The following KIAA0319 variants were observed in gnomAD, a reference collection of about 807,000 sequenced individuals.
The protein encoded by KIAA0319 is dyslexia-associated protein KIAA0319.
A neutral mutation model predicts 108.4 loss-of-function variants in KIAA0319; 83 were observed. The ratio of observed to expected loss-of-function variants is 0.77; its 90% CI spans 0.64 to 0.92. KIAA0319 has a LOEUF of 0.92. Among genes scored for constraint, KIAA0319 ranks in the 40% least tolerant of loss-of-function variants. The pLI is 0.00. For missense variants in KIAA0319, 1,195 were observed against 1,322.4 expected (o/e 0.90, Z 1.49); for synonymous variants, 484 against 510.4 (o/e 0.95, Z 0.70).
At chr6:24,579,437 T>G (rs1766080283) in intron 8 of KIAA0319, among the ~76,000 whole-genome samples, 1 of 130,856 alleles carries the variant, frequency 7.6e-6, no homozygotes, top group Admixed American at 7.6e-5. Context: ...ATATATCTTA[T>G]ATATCTCATA....
chr6:24,572,940 A>AC (rs1434446595), intron 10 of KIAA0319, among the ~76,000 whole-genome samples: 1 of 152,022 alleles, frequency 6.6e-6, no homozygotes, highest in Non-Finnish European at 1.5e-5. Flanking sequence ...ACATGGTGGA[A>AC]CCCCGTCTCT....
rs187212811 is a variant in KIAA0319, at chr6:24,547,138, C to T, written c.*27G>A. 2 of 1,611,834 alleles carry T rather than the reference C, an allele frequency of 1.2e-6. No individual in the cohort carries two copies. The highest frequency in any genetic ancestry group is 2.7e-5 in the African/African-American group (2 of 74,958). Reference sequence around the variant, plus strand: ...CTGACTGGTCTTGGATTCAAGGGGTCCTTCCACTTTACAATGAACTGCGCC... The same window carrying T: ...CTGACTGGTCTTGGATTCAAGGGGTTCTTCCACTTTACAATGAACTGCGCC... On this transcript the variant is annotated 3_prime_UTR_variant, in exon 21 of 21. Transcript: ENST00000378214.
At chr6:24,594,807 C>T (rs1188057714) in intron 3 of KIAA0319, among the ~76,000 whole-genome samples, 2 of 152,062 alleles carry the variant, frequency 1.3e-5, no homozygotes, top group African/African-American at 4.8e-5. Context: ...TCTTGAAGTA[C>T]TCCAAGCTTT....
chr6:24,598,253 GC>G, intron 2 of KIAA0319: 2 of 601,874 alleles, frequency 3.3e-6, no homozygotes. Context: ...AGCCTGCTGA[GC>G]CCCCTTAAGC....
At chr6:24,582,179 A>G in intron 6 of KIAA0319, 70 bp downstream of exon 6, 2 of 873,060 alleles carry the variant, frequency 2.3e-6, no homozygotes, top group Non-Finnish European at 3.9e-6. Context: ...TTCAGTAGCT[A>G]AGAAGGTATT....
intron 1 of KIAA0319, among the ~76,000 whole-genome samples, chr6:24,634,594 C>T (rs533107041): frequency 2.0e-5 from 3 of 152,212 alleles, no homozygotes; most frequent in South Asian, 2.1e-4. Flanking sequence ...ATTCTGACAC[C>T]GTGTTAGTCC....
intron 1 of KIAA0319, among the ~76,000 whole-genome samples, chr6:24,626,223 A>G (rs1392607010): frequency 1.3e-5 from 2 of 152,206 alleles, no homozygotes; most frequent in African/African-American, 4.8e-5. Flanking sequence ...TAAGCATCTG[A>G]GGATTTTTTA....
At chr6:24,622,319 T>TAAAAAAAAAAA (rs5874995) in intron 1 of KIAA0319, among the ~76,000 whole-genome samples, 1 of 114,608 alleles carries the variant, frequency 8.7e-6, no homozygotes, top group Non-Finnish European at 1.8e-5. Context: ...TTTGAGAAAT[T>TAAAAAAAAAAA]AAAAAAAAAA....
chr6:24,560,950 GA>G (rs1475508792), intron 16 of KIAA0319, among the ~76,000 whole-genome samples: 3 of 152,220 alleles, frequency 2.0e-5, no homozygotes, highest in Non-Finnish European at 4.4e-5. Flanking sequence ...GTTTCATCAT[GA>G]AAGGGTGTTG....
intron 1 of KIAA0319, among the ~76,000 whole-genome samples, chr6:24,630,365 C>T (rs900933864): frequency 1.3e-5 from 2 of 150,194 alleles, no homozygotes; most frequent in African/African-American, 4.9e-5. Flanking sequence ...AAAAATTAGC[C>T]AGGTATGGTG....
intron 1 of KIAA0319, among the ~76,000 whole-genome samples, chr6:24,639,013 C>T (rs925363843): frequency 5.9e-5 from 9 of 152,014 alleles, no homozygotes; most frequent in Admixed American, 3.9e-4. Flanking sequence ...TCACAATGTA[C>T]ACAAATATCA....
At position 24,544,125 on chromosome 6, in the gene KIAA0319, T is replaced by C. The variant is rs1018911167; in HGVS notation, c.*3040A>G. 2.0e-5 allele frequency: 3 copies of C among 152,268 alleles called. No homozygotes were observed. Among genetic ancestry groups the C allele is most frequent in the Non-Finnish European group, 2.9e-5 (2 of 68,048 alleles). The allele number at this position is 152,268 out of a possible 1,614,324, so 9.4% of individuals were successfully genotyped here. ...ATGTGGATATGTTCCAATAAAACTT[T>C]ATTTATGAACACAAATCTGAATGTC... On this transcript the variant is annotated 3_prime_UTR_variant, in exon 21 of 21. Transcript: ENST00000378214.
At chr6:24,566,873 C>A in intron 13 of KIAA0319, 125 bp from the exon 14 acceptor site, 1 of 854,898 alleles carries the variant, frequency 1.2e-6, no homozygotes, top group Non-Finnish European at 1.7e-6. Flanking sequence ...ATTAAAATAT[C>A]CAAAAAGGCA....
At chr6:24,638,371 T>A (rs1776474445) in intron 1 of KIAA0319, among the ~76,000 whole-genome samples, 2 of 152,052 alleles carry the variant, frequency 1.3e-5, no homozygotes, top group South Asian at 4.1e-4. Flanking sequence ...TTCAAGGAAA[T>A]AAAAAATTGG....
chr6:24,628,817 T>TGGAG (rs1213257349), intron 1 of KIAA0319, among the ~76,000 whole-genome samples: 1 of 152,144 alleles, frequency 6.6e-6, no homozygotes, highest in East Asian at 1.9e-4. Flanking sequence ...TATTGTCACA[T>TGGAG]GGAGCTCTCC....
Position 24,566,624 on chromosome 6 carries a change from G to A in KIAA0319, c.2265C>T (p.Ile755=), listed in dbSNP as rs1763932505. The change falls in exon 14 of 21, where the codon ATC becomes ATT. Residue 755 remains isoleucine, a synonymous_variant. Transcript: ENST00000378214. ...CAGCTGCTGGACTCTGGCCATCCCG[G>A]ATCCACAGATAGGACACAATTCTTT... ...DDQRIVSYLW[I]RDGQSPAAGD... The A allele has an allele frequency of 6.2e-7, 1 of 1,612,048 alleles. No homozygotes were observed. Among genetic ancestry groups the A allele is most frequent in the East Asian group, 2.2e-5 (1 of 44,794 alleles).
Position 24,599,920 on chromosome 6 carries a change from C to T in KIAA0319, c.55+1129G>A, listed in dbSNP as rs1770356485. On this transcript the variant is annotated intron_variant, in intron 2 of 20. Coordinates refer to ENST00000378214, the MANE Select transcript of KIAA0319 (RefSeq NM_014809.4). This position sits in a 1 kb window ranked among gnomAD's most constrained non-coding sequence, Gnocchi z 4.1. ...GGCTCAGCGCTCGCCCTCAGCCGAC[C>T]CGCGGGAGAGTTCACTGCCTGGGGT... is the stretch of plus-strand genomic sequence containing the variant. The T allele has an allele frequency of 7.5e-6, 2 of 267,204 alleles. No individual in the cohort carries two copies. Among genetic ancestry groups the T allele is most frequent in the Non-Finnish European group, 1.4e-5 (2 of 138,854 alleles). 16.6% of individuals were successfully genotyped at this position (267,204 alleles called of 1,614,324 possible). A position where few individuals can be genotyped will look rare whatever the true frequency, so the allele number is the denominator to read the frequency against.
intron 1 of KIAA0319, among the ~76,000 whole-genome samples, chr6:24,609,273 C>CAAAAAAAAAAAA (rs886616830): frequency 1.3e-5 from 1 of 74,792 alleles, no homozygotes; most frequent in Non-Finnish European, 2.8e-5. Flanking sequence ...GTCTCAAAAA[C>CAAAAAAAAAAAA]AAAAAAAAAA....
chr6:24,629,613 G>C (rs1219276200), intron 1 of KIAA0319, among the ~76,000 whole-genome samples: 2 of 151,962 alleles, frequency 1.3e-5, no homozygotes, highest in Admixed American at 1.3e-4. Flanking sequence ...GGAATGGTAA[G>C]GCTTTCTCAT....
Sources: gnomAD v4.1 joint callset for allele counts (sites outside exome capture counted in the v4.1 genomes callset) on GRCh38, gnomAD v4.1.1 for gene constraint, Gnocchi (gnomAD v3.1) non-coding constraint, MANE v1.5 for transcripts, NCBI Gene and HGNC (gene_info 2026-07-23, HGNC 2026-07-21) for gene names.